Variants in DPM1 observed in about 807,000 individuals in gnomAD.
DPM1 encodes dolichyl-phosphate mannosyltransferase subunit 1, catalytic.
A neutral mutation model predicts 39.0 loss-of-function variants in DPM1; 27 were observed. That is an observed-to-expected ratio of 0.69 (90% CI 0.51 to 0.95). DPM1 has a LOEUF of 0.95. Among genes scored for constraint, DPM1 ranks in the 40% least tolerant of loss-of-function variants. The pLI is 0.00. For missense variants in DPM1, 307 were observed against 315.6 expected (o/e 0.97, Z 0.21); for synonymous variants, 124 against 109.0 (o/e 1.14, Z -0.86).
chr20:50,941,991 G>A (rs1985870185), intron 6 of DPM1, 40 bp downstream of exon 6: 1 of 1,502,874 alleles, frequency 6.7e-7, no homozygotes, highest in East Asian at 2.3e-5. Context: ...TACATTTCCA[G>A]TAGTTATACT....
chr20:50,944,822 ATTCTT>A (rs1447393867), intron 5 of DPM1: 2 of 152,222 alleles, frequency 1.3e-5, no homozygotes, highest in Non-Finnish European at 2.9e-5. Flanking sequence ...ATTTAACTAA[ATTCTT>A]ATCTTACTGT....
At chr20:50,941,227 A>AATATAT (rs58694792) in intron 6 of DPM1, 2,343 of 61,038 alleles carry the variant, frequency 0.038, 82 homozygotes, top group Non-Finnish European at 0.049. Context: ...AAAAAAAGTG[A>AATATAT]ATATATATAT....
Position 50,936,233 on chromosome 20 carries a change from A to C in DPM1, c.593T>G (p.Leu198Ter). 1 of 1,612,032 alleles carries C rather than the reference A, an allele frequency of 6.2e-7. No individual in the cohort carries two copies. The highest frequency in any genetic ancestry group is 8.5e-7 in the Non-Finnish European group (1 of 1,178,468). Residue 198 changes from leucine (L) to a stop codon, truncating the protein, a stop_gained, in exon 8 of 9, where the codon TTA becomes TGA. Coordinates refer to ENST00000371588, the MANE Select transcript of DPM1 (RefSeq NM_003859.3). LOFTEE classifies it high-confidence loss of function. The stretch of plus-strand genomic sequence containing the variant: ...GCCTTTAGAAACACATTTTTCTATT[A>C]ATTTCTCTAGAACTTCTTTTCGGTA... ...RLYRKEVLEK[L>*]IEKCVSKGYV...
At position 50,942,132 on chromosome 20, in the gene DPM1, G is replaced by C; in HGVS notation, c.399-6C>G. 2 of 1,610,880 alleles carry C rather than the reference G, an allele frequency of 1.2e-6. No homozygotes were observed. Among genetic ancestry groups the C allele is most frequent in the Middle Eastern group, 1.7e-4 (1 of 6,056 alleles). ...AATTACCCTCCTTTTGCTTCCTGTAGAATAAATTAGCTGTCAATTAGAAAA... is the reference window on the plus strand; with the variant it reads ...AATTACCCTCCTTTTGCTTCCTGTACAATAAATTAGCTGTCAATTAGAAAA... On this transcript the variant is annotated splice_polypyrimidine_tract_variant and splice_region_variant and intron_variant, in intron 5 of 8. Coordinates refer to ENST00000371588, the MANE Select transcript of DPM1 (RefSeq NM_003859.3).
chr20:50,939,469 G>A (rs921787540), intron 7 of DPM1, among the ~76,000 whole-genome samples: 6 of 151,698 alleles, frequency 4.0e-5, no homozygotes, highest in African/African-American at 1.5e-4. Context: ...AAGTAGCTTA[G>A]ACTACAGGCC....
intron 5 of DPM1, 41 bp from the exon 6 acceptor site, chr20:50,942,167 G>A: frequency 2.0e-6 from 3 of 1,531,616 alleles, no homozygotes; most frequent in Non-Finnish European, 2.7e-6. Flanking sequence ...AAGCCACTGA[G>A]CTTTCAACAG....
At chr20:50,938,473 C>G (rs1043855619) in intron 7 of DPM1, among the ~76,000 whole-genome samples, 2 of 151,344 alleles carry the variant, frequency 1.3e-5, no homozygotes, top group African/African-American at 4.9e-5. Context: ...AGCTCTGCCT[C>G]CCAGGTTCAC....
Position 50,935,835 on chromosome 20 carries a change from T to C in DPM1, c.678+313A>G, listed in dbSNP as rs951709494. On this transcript the variant is annotated intron_variant, in intron 8 of 8. Transcript: ENST00000371588. Reference sequence around the variant, plus strand: ...CATTCATTTTAAAGTATGGTGGCCATTGGCGGTGACAAAAGGAAAAGAAGC... The same window carrying C: ...CATTCATTTTAAAGTATGGTGGCCACTGGCGGTGACAAAAGGAAAAGAAGC... 7.4e-4 allele frequency among the ~76,000 whole-genome samples: 113 copies of C among 152,274 alleles called. 1 individual carries two copies. Among genetic ancestry groups the C allele is most frequent in the African/African-American group, 2.6e-3 (109 of 41,546 alleles).
rs767948377 is a variant in DPM1, at chr20:50,936,213, T to C, written c.613A>G (p.Lys205Glu). The C allele has an allele frequency of 5.6e-6, 9 of 1,613,658 alleles. No individual in the cohort carries two copies. In the South Asian group the frequency reaches 9.9e-5, roughly 18 times the overall value. The change falls in exon 8 of 9, where the codon AAA (lysine) becomes GAA (glutamate). Residue 205 changes from lysine to glutamate, a missense_variant. By Grantham distance (56) the Lys-to-Glu change is moderately conservative. This residue lies in a region of DPM1 where 70 missense variants were observed against 69.4 expected (regional missense o/e 1.01). Transcript: ENST00000371588. ...ATCTCCATCTGGAAGACGTAGCCTT[T>C]AGAAACACATTTTTCTATTAATTTC... ...LEKLIEKCVS[K>E]GYVFQMEMIV...
chr20:50,953,027 T>A (rs557081967), intron 2 of DPM1, among the ~76,000 whole-genome samples: 1 of 152,228 alleles, frequency 6.6e-6, no homozygotes, highest in African/African-American at 2.4e-5. Context: ...ATTCATACTT[T>A]AAATATATAT....
At chr20:50,945,711 T>C in intron 5 of DPM1, 26 bp downstream of exon 5, 1 of 1,524,410 alleles carries the variant, frequency 6.6e-7, no homozygotes, top group Non-Finnish European at 9.1e-7. Context: ...GTCATATTTC[T>C]TTCAAATATT....
At chr20:50,948,776 A>G (rs1298434787) in intron 2 of DPM1, 114 bp from the exon 3 acceptor site, 5 of 958,958 alleles carry the variant, frequency 5.2e-6, no homozygotes, top group African/African-American at 1.6e-5. Flanking sequence ...TGCACTTGTT[A>G]GAACTTAAAG....
chr20:50,943,365 TTTTG>T lies in DPM1; in HGVS notation c.399-1243_399-1240del, dbSNP rs1391517404. Among the ~76,000 whole-genome samples the T allele has an allele frequency of 5.3e-5, 8 of 152,228 alleles. No individual in the cohort carries two copies. The East Asian group carries it at 1.4e-3, about 26-fold the overall frequency. ...GCTACAATAAACTTTTTTTGTTTTG[TTTTG>T]TTTTTTTTTGAGATGGAGTCTCGCT... On this transcript the variant is annotated intron_variant, in intron 5 of 8. Coordinates refer to ENST00000371588, the MANE Select transcript of DPM1 (RefSeq NM_003859.3).
chr20:50,955,766 T>G (rs2123145028), intron 1 of DPM1, among the ~76,000 whole-genome samples: 1 of 152,280 alleles, frequency 6.6e-6, no homozygotes, highest in East Asian at 1.9e-4. Flanking sequence ...GGTTTCACCG[T>G]GTTAGCCAGC....
chr20:50,958,328 T>G (rs1305135238), intron 1 of DPM1, 35 bp downstream of exon 1: 1 of 1,609,586 alleles, frequency 6.2e-7, no homozygotes, highest in South Asian at 1.1e-5. Flanking sequence ...AGCCAGCTCA[T>G]CTCATTCTTC....
chr20:50,938,347 C>T (rs185020559), intron 7 of DPM1, among the ~76,000 whole-genome samples: 1 of 152,046 alleles, frequency 6.6e-6, no homozygotes, highest in East Asian at 1.9e-4. Flanking sequence ...AAGAAACCAC[C>T]ACTCTTATGA....
chr20:50,948,615 A>G lies in DPM1; in HGVS notation c.295+14T>C. On this transcript the variant is annotated intron_variant, in intron 3 of 8. Transcript: ENST00000371588. ...AAGCAGCAGGTGTGAGGGGTTAGAGATTACACGACTTACCTAGTCCCAACT... is the reference window on the plus strand; with the variant it reads ...AAGCAGCAGGTGTGAGGGGTTAGAGGTTACACGACTTACCTAGTCCCAACT... 3 of 1,613,508 alleles carry G rather than the reference A, an allele frequency of 1.9e-6. No homozygotes were observed. Among genetic ancestry groups the G allele is most frequent in the Non-Finnish European group, 2.5e-6 (3 of 1,179,444 alleles).
intron 8 of DPM1, among the ~76,000 whole-genome samples, chr20:50,935,455 G>C (rs1385466085): frequency 6.6e-6 from 1 of 152,126 alleles, no homozygotes; most frequent in Middle Eastern, 3.2e-3. Context: ...AAACAAATCT[G>C]CAACTGTTTA....
chr20:50,957,640 C>A (rs1265258723), intron 1 of DPM1, among the ~76,000 whole-genome samples: 1 of 152,172 alleles, frequency 6.6e-6, no homozygotes, highest in African/African-American at 2.4e-5. Flanking sequence ...TGGAATGTTA[C>A]CTAACTTCCA....
Sources: allele counts gnomAD v4.1 joint callset (sites outside exome capture counted in the v4.1 genomes callset), GRCh38; gene constraint gnomAD v4.1.1; regional missense constraint gnomAD v4.1.1; transcripts MANE v1.5; gene names NCBI Gene and HGNC (gene_info 2026-07-23, HGNC 2026-07-21).